The following SMYD3 variants were observed in gnomAD, a reference collection of about 807,000 sequenced individuals.
The protein encoded by SMYD3 is SET and MYND domain containing 3.
A neutral mutation model predicts 57.7 loss-of-function variants in SMYD3; 36 were observed. The observed-to-expected ratio is 0.62, with a 90% confidence interval of 0.48 to 0.82. The LOEUF (loss-of-function observed/expected upper bound fraction) is 0.82. Ranked by LOEUF, SMYD3 falls within the 40% of genes least tolerant of loss-of-function variation. The pLI is 0.00. For synonymous variants in SMYD3, 211 were observed against 195.0 expected, an observed-to-expected ratio of 1.08 and a Z score of -0.68; for missense variants, 515 against 538.8, an observed-to-expected ratio of 0.96 and a Z score of 0.44.
At chr1:245,859,321 C>T (rs2051415015) in intron 9 of SMYD3, among the ~76,000 whole-genome samples, 1 of 152,110 alleles carries the variant, frequency 6.6e-6, no homozygotes, top group Non-Finnish European at 1.5e-5. Context: ...AAATAAGAGA[C>T]AGTATTAGGA....
At chr1:246,083,463 G>A (rs115841693) in intron 5 of SMYD3, among the ~76,000 whole-genome samples, 3,368 of 148,734 alleles carry the variant, frequency 0.023, 94 homozygotes, top group African/African-American at 0.059. Flanking sequence ...TCCCAGAAAT[G>A]CCCGATAATG....
intron 5 of SMYD3, among the ~76,000 whole-genome samples, chr1:246,046,570 C>T (rs541415117): frequency 1.3e-5 from 2 of 151,334 alleles, no homozygotes; most frequent in South Asian, 4.2e-4. Flanking sequence ...CACATGTATA[C>T]ATATGTAACA....
intron 5 of SMYD3, among the ~76,000 whole-genome samples, chr1:246,225,338 AAAAAAAAAAAAAAAAAAAAC>A: frequency 8.4e-6 from 1 of 118,728 alleles, no homozygotes; most frequent in African/African-American, 2.9e-5. Flanking sequence ...AAAAAAAAAA[AAAAAAAAAAAAAAAAAAAAC>A]AGAAAAGACA....
chr1:246,026,206 C>T (rs2059572164), intron 5 of SMYD3, among the ~76,000 whole-genome samples: 2 of 152,196 alleles, frequency 1.3e-5, no homozygotes, highest in South Asian at 4.1e-4. Flanking sequence ...GTTTCTCTTT[C>T]TTCAAAAACA....
intron 1 of SMYD3, among the ~76,000 whole-genome samples, chr1:246,478,995 T>C (rs78522020): frequency 0.19 from 25,103 of 129,164 alleles, 3,600 homozygotes; most frequent in Middle Eastern, 0.31. Context: ...AGCTGATACA[T>C]AAGTGCTCAT....
chr1:246,232,176 C>A (rs1480885528), intron 5 of SMYD3, among the ~76,000 whole-genome samples: 1 of 148,702 alleles, frequency 6.7e-6, no homozygotes, highest in Non-Finnish European at 1.5e-5. Flanking sequence ...ATGAAGCTTA[C>A]TCAGTGGTTA....
chr1:246,265,319 G>A (rs1177890249), intron 5 of SMYD3, among the ~76,000 whole-genome samples: 1 of 143,708 alleles, frequency 7.0e-6, no homozygotes, highest in Non-Finnish European at 1.5e-5. Context: ...TTTTTTTTTT[G>A]TAATAGACAG....
intron 5 of SMYD3, among the ~76,000 whole-genome samples, chr1:246,007,399 G>C (rs2059193942): frequency 6.6e-6 from 1 of 152,138 alleles, no homozygotes; most frequent in Non-Finnish European, 1.5e-5. Flanking sequence ...TACTTGCAGA[G>C]ACAACTCTCT....
chr1:246,039,889 G>T (rs1404323754), intron 5 of SMYD3, among the ~76,000 whole-genome samples: 1 of 152,138 alleles, frequency 6.6e-6, no homozygotes, highest in Non-Finnish European at 1.5e-5. Context: ...CTTGCCACTA[G>T]ATCAAAAGGG....
intron 8 of SMYD3, among the ~76,000 whole-genome samples, chr1:245,888,449 A>T (rs2053202089): frequency 6.6e-6 from 1 of 152,166 alleles, no homozygotes; most frequent in Admixed American, 6.5e-5. Context: ...TTACCTTTTA[A>T]CCTTGCTTCC....
intron 1 of SMYD3, among the ~76,000 whole-genome samples, chr1:246,377,887 C>A (rs537732414): frequency 1.2e-4 from 18 of 152,274 alleles, no homozygotes; most frequent in African/African-American, 4.1e-4. Flanking sequence ...ACTCTCACAG[C>A]CATATAATGA....
intron 5 of SMYD3, among the ~76,000 whole-genome samples, chr1:246,024,298 A>G (rs2059532819): frequency 6.6e-6 from 1 of 152,240 alleles, no homozygotes; most frequent in African/African-American, 2.4e-5. Flanking sequence ...GTATTGGTGG[A>G]CAGCATCTAG....
intron 5 of SMYD3, among the ~76,000 whole-genome samples, chr1:246,113,529 C>T (rs2061289413): frequency 6.6e-6 from 1 of 152,108 alleles, no homozygotes; most frequent in Non-Finnish European, 1.5e-5. Flanking sequence ...CACCAAGTAA[C>T]GCAAAGTATA....
intron 1 of SMYD3, among the ~76,000 whole-genome samples, chr1:246,487,800 T>C (rs1264627977): frequency 6.6e-6 from 1 of 151,856 alleles, no homozygotes; most frequent in Non-Finnish European, 1.5e-5. Flanking sequence ...GTTCAAGTGA[T>C]TCTCCTGCTT....
At chr1:245,844,478 GT>G (rs1198496099) in intron 10 of SMYD3, among the ~76,000 whole-genome samples, 6 of 152,172 alleles carry the variant, frequency 3.9e-5, no homozygotes, top group African/African-American at 1.2e-4. Flanking sequence ...TAAAAATAAA[GT>G]TTATCAGCCT....
intron 5 of SMYD3, among the ~76,000 whole-genome samples, chr1:246,190,626 G>A (rs1372933884): frequency 6.6e-6 from 1 of 150,436 alleles, no homozygotes; most frequent in Non-Finnish European, 1.5e-5. Context: ...TGGGAAGTAG[G>A]GGAGTCGCTA....
At chr1:246,309,077 T>C (rs149014673) in intron 5 of SMYD3, among the ~76,000 whole-genome samples, 2 of 152,262 alleles carry the variant, frequency 1.3e-5, no homozygotes, top group East Asian at 3.9e-4. Flanking sequence ...ATTAATATAA[T>C]TAGTAGAACA....
intron 1 of SMYD3, among the ~76,000 whole-genome samples, chr1:246,386,482 G>T (rs901281650): frequency 6.6e-6 from 1 of 152,078 alleles, no homozygotes; most frequent in Non-Finnish European, 1.5e-5. Context: ...ACAAAGAGGC[G>T]CTAAAGTTGA....
chr1:245,886,317 C>T (rs1034620205), intron 8 of SMYD3, among the ~76,000 whole-genome samples: 11 of 152,056 alleles, frequency 7.2e-5, no homozygotes, highest in African/African-American at 2.7e-4. Context: ...GCCCACATCT[C>T]TCCTTACTTA....
Sources: allele counts gnomAD v4.1 joint callset (sites outside exome capture counted in the v4.1 genomes callset), GRCh38; gene constraint gnomAD v4.1.1; transcripts MANE v1.5; gene names NCBI Gene and HGNC (gene_info 2026-07-23, HGNC 2026-07-21).